The following COP1 variants were observed in gnomAD, a reference collection of about 807,000 sequenced individuals.
COP1 encodes the protein E3 ubiquitin-protein ligase COP1.
Under a neutral mutation model 101.3 loss-of-function variants are expected in COP1, and 24 were observed. The observed-to-expected ratio is 0.24, with a 90% CI of 0.17 to 0.33. The LOEUF is 0.33. Ranked by LOEUF, COP1 falls within the 10% of genes least tolerant of loss-of-function variation. The pLI is 1.00. For synonymous variants in COP1, 347 were observed against 341.9 expected (o/e 1.01, Z -0.17); for missense variants, 663 against 906.2 (o/e 0.73, Z 3.45).
In COP1 at chr1:176,184,602, A is replaced by G. The variant is rs1698224545; in HGVS notation, c.467+31T>C. 3 of 1,528,176 alleles carry G rather than the reference A, an allele frequency of 2.0e-6. No homozygotes were observed. In the East Asian group the frequency reaches 6.8e-5, roughly 35 times the overall value. 94.7% of individuals were successfully genotyped at this position (1,528,176 alleles called of 1,614,324 possible). On this transcript the variant is annotated intron_variant, in intron 2 of 19. Coordinates refer to ENST00000367669, the MANE Select transcript of COP1 (RefSeq NM_022457.7). ...TTACAGATAAGTTTTAAAATGTTAA[A>G]AGATTATTTTACTCAATAGAATTGT...
intron 19 of COP1, among the ~76,000 whole-genome samples, chr1:175,945,816 G>A (rs1181277657): frequency 6.6e-6 from 1 of 152,194 alleles, no homozygotes; most frequent in African/African-American, 2.4e-5. Context: ...CACTCACTAA[G>A]TAGCAAATAT....
chr1:176,174,983 TTTATCATTTATAC>T (rs1345323303), intron 3 of COP1, among the ~76,000 whole-genome samples: 2 of 152,220 alleles, frequency 1.3e-5, no homozygotes, highest in African/African-American at 4.8e-5. Context: ...TTTCCGATCA[TTTATCATTTATAC>T]TTAAGGATTC....
At chr1:176,018,435 C>T (rs1361824553) in intron 15 of COP1, 2 of 152,132 alleles carry the variant, frequency 1.3e-5, no homozygotes, top group Non-Finnish European at 2.9e-5. Flanking sequence ...TCCTCCCTCA[C>T]CTAATTTATT....
chr1:176,000,764 C>G (rs1339180255), intron 15 of COP1, among the ~76,000 whole-genome samples: 3 of 151,586 alleles, frequency 2.0e-5, no homozygotes, highest in African/African-American at 7.3e-5. Context: ...TCTTTTATGC[C>G]TCCATTATTA....
At chr1:176,200,180 CAAGT>C (rs1321304755) in intron 1 of COP1, among the ~76,000 whole-genome samples, 1 of 152,092 alleles carries the variant, frequency 6.6e-6, no homozygotes, top group Non-Finnish European at 1.5e-5. Flanking sequence ...GAAGATTAAA[CAAGT>C]AACGTAAAAC....
intron 15 of COP1, among the ~76,000 whole-genome samples, chr1:175,994,521 A>G (rs577324554): frequency 1.9e-3 from 294 of 152,332 alleles, no homozygotes; most frequent in Admixed American, 4.4e-3. Flanking sequence ...AGAGACACAC[A>G]TAGGCTCAAA....
chr1:176,186,414 C>A (rs986190938), intron 1 of COP1, among the ~76,000 whole-genome samples: 50 of 151,930 alleles, frequency 3.3e-4, no homozygotes, highest in African/African-American at 1.1e-3. Flanking sequence ...CCCAGCTACT[C>A]TAGCTAGTCC....
At chr1:176,155,609 G>T (rs556288531) in intron 5 of COP1, among the ~76,000 whole-genome samples, 31 of 152,018 alleles carry the variant, frequency 2.0e-4, no homozygotes, top group Admixed American at 5.2e-4. Flanking sequence ...CCTAGGCATT[G>T]AATTTGTTCG....
intron 14 of COP1, among the ~76,000 whole-genome samples, chr1:176,038,070 T>G (rs1054998383): frequency 6.6e-6 from 1 of 152,236 alleles, no homozygotes; most frequent in Admixed American, 6.5e-5. Context: ...AATCTATACC[T>G]ACAGTGACTT....
chr1:175,961,825 TG>T (rs1362144043), intron 18 of COP1, among the ~76,000 whole-genome samples: 58 of 149,450 alleles, frequency 3.9e-4, no homozygotes, highest in Middle Eastern at 3.5e-3. Context: ...AATGGAACAA[TG>T]GAAGAATAAA....
At chr1:176,133,111 G>A (rs1284718186) in intron 8 of COP1, among the ~76,000 whole-genome samples, 3 of 147,054 alleles carry the variant, frequency 2.0e-5, no homozygotes, top group Non-Finnish European at 4.5e-5. Flanking sequence ...ACATATGTAC[G>A]TATATATACT....
In COP1 at chr1:176,108,909, C is replaced by G. The variant is rs1226445884; in HGVS notation, c.1026+7715G>C. On this transcript the variant is annotated intron_variant, in intron 9 of 19. Transcript: ENST00000367669. ...CAGGCAGATCACGAGGTCAAGAGAT[C>G]GAAACCATCCTGTCCAACATGGTGA... Among the ~76,000 whole-genome samples the G allele has an allele frequency of 3.3e-5, 5 of 151,922 alleles. No homozygotes were observed. The South Asian group carries it at 1.0e-3, about 32-fold the overall frequency.
At chr1:175,979,194 C>T (rs1655245818) in intron 18 of COP1, among the ~76,000 whole-genome samples, 1 of 152,038 alleles carries the variant, frequency 6.6e-6, no homozygotes, top group Non-Finnish European at 1.5e-5. Context: ...CCTCCTTCCT[C>T]CCCCAAAATA....
At chr1:176,042,628 G>A (rs1470874964) in intron 14 of COP1, among the ~76,000 whole-genome samples, 2 of 149,568 alleles carry the variant, frequency 1.3e-5, no homozygotes, top group Non-Finnish European at 3.0e-5. Context: ...TTACATGGGA[G>A]GCTGAGGTAG....
chr1:175,993,419 G>A (rs1659200898), intron 15 of COP1, among the ~76,000 whole-genome samples: 1 of 152,220 alleles, frequency 6.6e-6, no homozygotes, highest in African/African-American at 2.4e-5. Flanking sequence ...GTTGAGAGAA[G>A]AAGGTTTCAG....
chr1:175,947,589 C>T (rs1186918671), intron 18 of COP1, among the ~76,000 whole-genome samples: 5 of 152,038 alleles, frequency 3.3e-5, no homozygotes, highest in African/African-American at 4.8e-5. Context: ...AGGCTGGTCT[C>T]GAACTCCCAA....
chr1:176,187,965 A>T (rs976385585), intron 1 of COP1, among the ~76,000 whole-genome samples: 10 of 151,980 alleles, frequency 6.6e-5, no homozygotes. Context: ...CATGAAAGGG[A>T]TTAGTGCCCT....
chr1:176,089,300 A>AACAACG (rs1468311212), intron 9 of COP1, among the ~76,000 whole-genome samples: 2 of 1,200 alleles, frequency 1.7e-3, no homozygotes, highest in African/African-American at 8.3e-3. Context: ...CTAAAACAAT[A>AACAACG]ACAACAACAA....
rs189276254 is a variant in COP1, at chr1:175,979,228, A to T, written c.2133+7715T>A. Among the ~76,000 whole-genome samples the T allele has an allele frequency of 1.8e-3, 270 of 152,176 alleles. 2 individuals carry two copies. The highest frequency in any genetic ancestry group is 5.9e-3 in the African/African-American group (245 of 41,544). ...TATGTATTCATGGGTCTAAAAATAG[A>T]ATTGTTTTGTTAATTGTTTTTGAAA... On this transcript the variant is annotated intron_variant, in intron 18 of 19. Coordinates refer to ENST00000367669, the MANE Select transcript of COP1 (RefSeq NM_022457.7).
Sources: allele counts gnomAD v4.1 joint callset (sites outside exome capture counted in the v4.1 genomes callset), GRCh38; gene constraint gnomAD v4.1.1; transcripts MANE v1.5; gene names NCBI Gene and HGNC (gene_info 2026-07-23, HGNC 2026-07-21).